The following LIPK variants were observed in gnomAD, a reference collection of about 807,000 sequenced individuals.
LIPK encodes the protein lipase family member K, also known as lipase member K.
Under a neutral mutation model 48.6 loss-of-function variants are expected in LIPK, and 32 were observed. The observed-to-expected ratio is 0.66, with a 90% CI of 0.50 to 0.88. LIPK has a LOEUF of 0.88. Ranked by LOEUF, LIPK falls within the 40% of genes least tolerant of loss-of-function variation. The pLI is 0.00. For synonymous variants in LIPK, 164 were observed against 157.4 expected (o/e 1.04, Z -0.32); for missense variants, 507 against 478.5 (o/e 1.06, Z -0.56).
rs1590166807 is a variant in LIPK at position 88,752,601 on chromosome 10, A to C, written c.1045A>C (p.Lys349Gln). Residue 349 changes from lysine to glutamine, a missense_variant, in exon 10 of 10, where the codon AAG becomes CAG. Coordinates refer to ENST00000404190, the MANE Select transcript of LIPK (RefSeq NM_001080518.2). ...TGGACAGGACATTGTGGCTGATCCC[A>C]AGGATGTTGAAAATTTACTTCCTCA... is the stretch of plus-strand genomic sequence containing the variant. ...NGGQDIVADP[K>Q]DVENLLPQIA... 1 of 1,572,416 alleles carries C rather than the reference A, an allele frequency of 6.4e-7. No individual in the cohort carries two copies. Among genetic ancestry groups the C allele is most frequent in the African/African-American group, 1.3e-5 (1 of 74,442 alleles).
chr10:88,724,852 G>A (rs981928242), intron 2 of LIPK, among the ~76,000 whole-genome samples: 4 of 152,112 alleles, frequency 2.6e-5, no homozygotes, highest in African/African-American at 4.8e-5. Context: ...TCCATCTCCT[G>A]GTGGTTTGAA....
At chr10:88,743,672 T>A (rs767606623) in intron 9 of LIPK, among the ~76,000 whole-genome samples, 1 of 151,896 alleles carries the variant, frequency 6.6e-6, no homozygotes, top group African/African-American at 2.4e-5. Flanking sequence ...TCAAGAAGAT[T>A]GGAACACTCT....
intron 6 of LIPK, among the ~76,000 whole-genome samples, chr10:88,733,784 CAATTCAAGTT>C (rs1842516558): frequency 6.6e-6 from 1 of 152,124 alleles, no homozygotes; most frequent in Non-Finnish European, 1.5e-5. Flanking sequence ...GGACGTGGTG[CAATTCAAGTT>C]AATTCAGCCA....
intron 9 of LIPK, among the ~76,000 whole-genome samples, chr10:88,751,846 C>T (rs888378952): frequency 6.6e-6 from 1 of 152,146 alleles, no homozygotes; most frequent in South Asian, 2.1e-4. Context: ...TCTAGAGGGA[C>T]CTCTGGCCCA....
chr10:88,728,681 G>A, intron 3 of LIPK: 1 of 465,440 alleles, frequency 2.1e-6, no homozygotes, highest in South Asian at 1.6e-5. Flanking sequence ...TGGAGTCTGG[G>A]ACGCAGAGCA....
chr10:88,716,476 G>A (rs961193308), intron 1 of LIPK, among the ~76,000 whole-genome samples: 18 of 54,744 alleles, frequency 3.3e-4, no homozygotes, highest in African/African-American at 8.3e-4. Context: ...TCCTGCCTCA[G>A]CCTCCCGAGT....
intron 1 of LIPK, among the ~76,000 whole-genome samples, chr10:88,712,622 T>C (rs1214236982): frequency 6.6e-6 from 1 of 152,192 alleles, no homozygotes; most frequent in Non-Finnish European, 1.5e-5. Flanking sequence ...CTCCATACTC[T>C]GAATCATCTG....
At chr10:88,719,004 TA>T (rs975046931) in intron 1 of LIPK, among the ~76,000 whole-genome samples, 2 of 152,126 alleles carry the variant, frequency 1.3e-5, no homozygotes, top group African/African-American at 4.8e-5. Context: ...ACAGAAGATT[TA>T]AAAAGTTATA....
At chr10:88,728,546 A>G (rs1483928492) in intron 3 of LIPK, 7 of 394,334 alleles carry the variant, frequency 1.8e-5, no homozygotes, top group Middle Eastern at 9.6e-4. Flanking sequence ...AGGCCGCCCT[A>G]TAGCGGACCA....
At chr10:88,727,774 T>G (rs1274417993) in intron 3 of LIPK, 2 of 268,874 alleles carry the variant, frequency 7.4e-6, no homozygotes, top group South Asian at 8.9e-5. Context: ...TGGAGGTGGA[T>G]CCCAACATCC....
At chr10:88,716,255 C>T (rs1842114822) in intron 1 of LIPK, among the ~76,000 whole-genome samples, 2 of 149,632 alleles carry the variant, frequency 1.3e-5, no homozygotes, top group South Asian at 4.2e-4. Context: ...GATAATTGAG[C>T]AAAGTTTTGA....
intron 8 of LIPK, among the ~76,000 whole-genome samples, chr10:88,741,621 TG>T (rs1456491022): frequency 6.6e-6 from 1 of 152,086 alleles, no homozygotes; most frequent in African/African-American, 2.4e-5. Flanking sequence ...GTGGGGATGG[TG>T]GGGGGCATGG....
chr10:88,726,774 T>C, intron 2 of LIPK, 21 bp from the exon 3 acceptor site: 1 of 1,115,736 alleles, frequency 9.0e-7, no homozygotes, highest in South Asian at 1.3e-5. Context: ...TGAAGGTATA[T>C]ATTTCCTTTC....
At chr10:88,712,683 CA>C (rs1842047076) in intron 1 of LIPK, among the ~76,000 whole-genome samples, 1 of 152,062 alleles carries the variant, frequency 6.6e-6, no homozygotes, top group Non-Finnish European at 1.5e-5. Flanking sequence ...ATAGCTTTTG[CA>C]GGGATTTATC....
intron 1 of LIPK, 58 bp from the exon 2 acceptor site, chr10:88,724,474 CA>C: frequency 9.6e-7 from 1 of 1,038,432 alleles, no homozygotes; most frequent in Non-Finnish European, 1.4e-6. Flanking sequence ...AAGATTACAC[CA>C]AATTTCACTT....
chr10:88,732,783 C>T (rs974495218), intron 6 of LIPK, among the ~76,000 whole-genome samples: 7 of 152,180 alleles, frequency 4.6e-5, no homozygotes, highest in African/African-American at 7.2e-5. Flanking sequence ...GTGTCTGCTG[C>T]GCCATTCCTC....
chr10:88,726,283 T>C (rs373054698), intron 2 of LIPK, among the ~76,000 whole-genome samples: 47 of 152,338 alleles, frequency 3.1e-4, no homozygotes, highest in African/African-American at 1.0e-3. Flanking sequence ...CCACCCAGAC[T>C]TACCTATGCC....
At position 88,709,080 on chromosome 10, in the gene LIPK, G is replaced by A. The variant is rs896146180; in HGVS notation, c.-12+2760G>A. ...TATTGGTGATGCTTTTCTTAATGAC[G>A]TAAATAGATCTTTGCCTTTTAAATT... On this transcript the variant is annotated intron_variant, in intron 1 of 9. Transcript: ENST00000404190. Among the ~76,000 whole-genome samples the A allele has an allele frequency of 6.6e-5, 10 of 152,228 alleles. No homozygotes were observed. The East Asian group carries it at 1.2e-3, about 18-fold the overall frequency.
chr10:88,728,811 C>G (rs1010129648), intron 3 of LIPK: 5 of 175,398 alleles, frequency 2.9e-5, no homozygotes, highest in Non-Finnish European at 6.2e-5. Context: ...GGCGGGGACT[C>G]CGGCTCTTTC....
Sources: allele counts gnomAD v4.1 joint callset (sites outside exome capture counted in the v4.1 genomes callset), GRCh38; gene constraint gnomAD v4.1.1; transcripts MANE v1.5; gene names NCBI Gene and HGNC (gene_info 2026-07-23, HGNC 2026-07-21).